The following ATXN2 variants were observed in gnomAD, a reference collection of about 807,000 sequenced individuals.
The protein encoded by ATXN2 is ataxin 2, also known as ataxin-2.
A neutral mutation model predicts 138.6 loss-of-function variants in ATXN2; 37 were observed. That is an observed-to-expected ratio of 0.27 (90% confidence interval 0.21 to 0.35). The LOEUF (loss-of-function observed/expected upper bound fraction) is 0.35, where lower values mean the gene tolerates loss of function less well. Among genes scored for constraint, ATXN2 ranks in the 10% least tolerant of loss-of-function variants. The probability of loss-of-function intolerance (pLI) is 1.00; values close to 1 mark genes in which losing one functional copy is unlikely to be tolerated. For missense variants in ATXN2, 1,216 were observed against 1,480.3 expected, an observed-to-expected ratio of 0.82 and a Z score of 2.93; for synonymous variants, 549 against 543.7, an observed-to-expected ratio of 1.01 and a Z score of -0.13.
intron 1 of ATXN2, among the ~76,000 whole-genome samples, chr12:111,575,632 AAG>A (rs1325743759): frequency 2.0e-5 from 3 of 152,156 alleles, no homozygotes; most frequent in Non-Finnish European, 4.4e-5. Flanking sequence ...AAGCTCCAAA[AAG>A]AGAGAGACCT....
intron 5 of ATXN2, among the ~76,000 whole-genome samples, chr12:111,541,841 A>G (rs912988959): frequency 1.8e-4 from 27 of 147,250 alleles, no homozygotes; most frequent in African/African-American, 6.1e-4. Context: ...CTGGAGTGCA[A>G]TCTCAGCTCA....
At chr12:111,549,689 A>T (rs1177561381) in intron 5 of ATXN2, among the ~76,000 whole-genome samples, 3 of 152,218 alleles carry the variant, frequency 2.0e-5, no homozygotes, top group Non-Finnish European at 4.4e-5. Flanking sequence ...CTGATGTCCT[A>T]AACACATGAC....
chr12:111,580,657 G>A (rs534119132), intron 1 of ATXN2, among the ~76,000 whole-genome samples: 60 of 119,508 alleles, frequency 5.0e-4, no homozygotes, highest in Non-Finnish European at 6.7e-4. Context: ...AGGGGAGGGG[G>A]AGAGAGAAGG....
At chr12:111,496,280 C>A (rs1878416543) in intron 14 of ATXN2, among the ~76,000 whole-genome samples, 1 of 152,078 alleles carries the variant, frequency 6.6e-6, no homozygotes, top group Admixed American at 6.6e-5. Flanking sequence ...GCCTGTAATT[C>A]CAGCACTTTA....
chr12:111,588,135 C>T (rs1234071176), intron 1 of ATXN2, among the ~76,000 whole-genome samples: 1 of 151,356 alleles, frequency 6.6e-6, no homozygotes, highest in Non-Finnish European at 1.5e-5. Flanking sequence ...TGCAGTGAGC[C>T]GTATTTGCAA....
chr12:111,535,515 G>A (rs1056763003), intron 5 of ATXN2, among the ~76,000 whole-genome samples: 4 of 152,004 alleles, frequency 2.6e-5, no homozygotes, highest in South Asian at 2.1e-4. Flanking sequence ...TCAGCTTCTC[G>A]GGAGGCTCAG....
In ATXN2 at chr12:111,452,377, A is replaced by C. The variant is rs1407239434; in HGVS notation, c.*435T>G. 6.4e-6 allele frequency: 1 copy of C among 155,342 alleles called. No individual in the cohort carries two copies. Among genetic ancestry groups the C allele is most frequent in the East Asian group, 1.9e-4 (1 of 5,318 alleles). 9.6% of individuals were successfully genotyped at this position (155,342 alleles called of 1,614,324 possible). On this transcript the variant is annotated 3_prime_UTR_variant, in exon 25 of 25. Coordinates refer to ENST00000673436, the MANE Select transcript of ATXN2 (RefSeq NM_001372574.1). Reference sequence around the variant, plus strand: ...AATAATAATCCGTCAGTTTGACGGTAAGAATTTACTGAAACTTTGTCAAGT... The same window carrying C: ...AATAATAATCCGTCAGTTTGACGGTCAGAATTTACTGAAACTTTGTCAAGT...
At chr12:111,547,004 G>A (rs552287947) in intron 5 of ATXN2, among the ~76,000 whole-genome samples, 5 of 152,326 alleles carry the variant, frequency 3.3e-5, no homozygotes, top group South Asian at 2.1e-4. Context: ...TCACTGTACC[G>A]TAAGAAGTCA....
At chr12:111,481,221 G>A (rs1370481166) in intron 18 of ATXN2, among the ~76,000 whole-genome samples, 1 of 152,100 alleles carries the variant, frequency 6.6e-6, no homozygotes. Context: ...GACGCAGGGG[G>A]ATCGCTTGAG....
chr12:111,486,699 C>A (rs1274736698), intron 16 of ATXN2, 62 bp downstream of exon 16: 2 of 1,389,748 alleles, frequency 1.4e-6, no homozygotes, highest in Admixed American at 3.6e-5. Flanking sequence ...GGAAGAAGGA[C>A]TATTACTAAT....
At chr12:111,523,195 G>A (rs187170971) in intron 6 of ATXN2, among the ~76,000 whole-genome samples, 196 of 151,526 alleles carry the variant, frequency 1.3e-3, no homozygotes, top group Middle Eastern at 3.4e-3. Flanking sequence ...CCCGGGAGGC[G>A]GAGGTTGCAG....
intron 1 of ATXN2, among the ~76,000 whole-genome samples, chr12:111,574,450 T>C (rs754107825): frequency 3.3e-5 from 5 of 151,744 alleles, no homozygotes; most frequent in Non-Finnish European, 7.4e-5. Context: ...GGTGGGGGGA[T>C]AGGGTCTCAC....
intron 1 of ATXN2, among the ~76,000 whole-genome samples, chr12:111,563,319 A>G (rs1001592892): frequency 2.6e-5 from 4 of 152,048 alleles, no homozygotes; most frequent in African/African-American, 7.2e-5. Context: ...ATATATGTGT[A>G]TATATATATG....
In ATXN2 at chr12:111,513,553, A is replaced by G. The variant is rs1879669574; in HGVS notation, c.1376-14T>C. 3 of 1,601,720 alleles carry G rather than the reference A, an allele frequency of 1.9e-6. No individual in the cohort carries two copies. Among genetic ancestry groups the G allele is most frequent in the African/African-American group, 1.3e-5 (1 of 74,246 alleles). On this transcript the variant is annotated splice_polypyrimidine_tract_variant and intron_variant, in intron 10 of 24. Coordinates refer to ENST00000673436, the MANE Select transcript of ATXN2 (RefSeq NM_001372574.1). The stretch of plus-strand genomic sequence containing the variant: ...TCCTTGGAGGCCCTAAGGAAGAAAC[A>G]GTGAACATCACATAAATTCCATGAT...
intron 21 of ATXN2, among the ~76,000 whole-genome samples, chr12:111,464,286 A>T (rs1165485256): frequency 9.2e-6 from 1 of 108,288 alleles, no homozygotes; most frequent in African/African-American, 4.4e-5. Flanking sequence ...GTGTGTGTAT[A>T]AATAAACATT....
At chr12:111,462,947 T>C in intron 21 of ATXN2, among the ~76,000 whole-genome samples, 1 of 146,612 alleles carries the variant, frequency 6.8e-6, no homozygotes, top group Non-Finnish European at 1.5e-5. Flanking sequence ...CCAAATAAAT[T>C]ATATATACAC....
At chr12:111,474,220 C>T (rs1283157437) in intron 18 of ATXN2, among the ~76,000 whole-genome samples, 1 of 151,820 alleles carries the variant, frequency 6.6e-6, no homozygotes, top group Non-Finnish European at 1.5e-5. Flanking sequence ...GACACTGTCT[C>T]AAAAAACAAA....
chr12:111,507,481 C>T (rs1035940321), intron 14 of ATXN2, among the ~76,000 whole-genome samples: 2 of 151,770 alleles, frequency 1.3e-5, no homozygotes, highest in African/African-American at 4.8e-5. Context: ...CCAACCCGTC[C>T]GGGAGGGAGG....
chr12:111,489,254 G>A (rs1877853431), intron 14 of ATXN2, among the ~76,000 whole-genome samples: 1 of 152,162 alleles, frequency 6.6e-6, no homozygotes, highest in Admixed American at 6.6e-5. Context: ...AATAGTCTAA[G>A]TAAAAGGAAG....
Sources: allele counts gnomAD v4.1 joint callset (sites outside exome capture counted in the v4.1 genomes callset), GRCh38; gene constraint gnomAD v4.1.1; transcripts MANE v1.5; gene names NCBI Gene and HGNC (gene_info 2026-07-23, HGNC 2026-07-21).